BTBD2: variants seen among roughly 807,000 people sequenced by gnomAD.
The protein encoded by BTBD2 is BTB/POZ domain-containing protein 2.
In BTBD2, 15 loss-of-function variants were observed where a neutral mutation model predicts 44.0. The ratio of observed to expected loss-of-function variants is 0.34; its 90% confidence interval spans 0.23 to 0.53. The LOEUF is 0.53. Among genes scored for constraint, BTBD2 ranks in the 20% least tolerant of loss-of-function variants. The pLI, the probability that BTBD2 is intolerant of heterozygous loss-of-function variation, is 0.95. For synonymous variants in BTBD2, 443 were observed against 335.9 expected, an observed-to-expected ratio of 1.32 and a Z score of -3.49; for missense variants, 657 against 746.4, an observed-to-expected ratio of 0.88 and a Z score of 1.39.
intron 4 of BTBD2, 185 bp from the exon 5 acceptor site, chr19:1,990,386 T>G: frequency 3.0e-6 from 2 of 672,166 alleles, no homozygotes; most frequent in Non-Finnish European, 5.0e-6. Flanking sequence ...CGCCCCTTCA[T>G]TTTCCTCGGC....
rs1352763321 is a variant in BTBD2, at chr19:1,999,665, CA to C, written c.408-2203del. Among the ~76,000 whole-genome samples, 458 of 131,796 alleles carry C rather than the reference CA, an allele frequency of 3.5e-3. 2 individuals carry two copies. The highest frequency in any genetic ancestry group is 4.9e-3 in the Non-Finnish European group (301 of 61,588). 86.5% of individuals were successfully genotyped at this position (131,796 alleles called of 152,430 possible). On this transcript the variant is annotated intron_variant, in intron 1 of 8. Coordinates refer to ENST00000255608, the MANE Select transcript of BTBD2 (RefSeq NM_017797.4). ...TGGGCAACAGAGCAAGACTCTGTCT[CA>C]AAAAAAAAAAAAGGCCAGGTGCAGT...
At chr19:2,013,440 T>G in intron 1 of BTBD2, 1 of 909,686 alleles carries the variant, frequency 1.1e-6, no homozygotes, top group Non-Finnish European at 1.3e-6. Flanking sequence ...GTCTCTGGGT[T>G]GGAAGGGCCC....
At chr19:1,986,765 T>TGC (rs1483687167) in intron 8 of BTBD2, 65 bp downstream of exon 8, 1 of 1,570,622 alleles carries the variant, frequency 6.4e-7, no homozygotes, top group African/African-American at 1.3e-5. Flanking sequence ...GTGTGTGCTG[T>TGC]GCCCCGGTGG....
chr19:2,003,586 T>G (rs910518982), intron 1 of BTBD2: 8 of 151,850 alleles, frequency 5.3e-5, no homozygotes, highest in African/African-American at 1.9e-4. Flanking sequence ...CTAACCAACA[T>G]GGAGAAATCC....
chr19:1,986,437 T>C lies in BTBD2; in HGVS notation c.*51A>G. The C allele has an allele frequency of 6.2e-7, 1 of 1,600,680 alleles. No homozygotes were observed. Among genetic ancestry groups the C allele is most frequent in the Non-Finnish European group, 8.5e-7 (1 of 1,170,406 alleles). On this transcript the variant is annotated 3_prime_UTR_variant, in exon 9 of 9. Transcript: ENST00000255608. ...GGGGCCCCAGCAGCAGATGATGGCC[T>C]GGGGCTGCGGCTATCCCCACGGAGG... is the stretch of plus-strand genomic sequence containing the variant.
At chr19:2,010,322 T>C (rs2016448131) in intron 1 of BTBD2, among the ~76,000 whole-genome samples, 1 of 152,176 alleles carries the variant, frequency 6.6e-6, no homozygotes, top group South Asian at 2.1e-4. Flanking sequence ...GCCTACTGTG[T>C]GCCAGGCTCC....
intron 1 of BTBD2, among the ~76,000 whole-genome samples, chr19:2,009,227 C>G (rs2016432902): frequency 6.6e-6 from 1 of 150,844 alleles, no homozygotes; most frequent in Non-Finnish European, 1.5e-5. Context: ...GAGGCGGAGT[C>G]TCAGTCTGTC....
At position 1,985,496 on chromosome 19, in the gene BTBD2, CTGAGGAGGACACCCCTCCCATGGCTT is replaced by C. The variant is rs1210596375; in HGVS notation, c.*966_*991del. ...TAAAAAAATCATCTGGGGGCATGGTCTGAGGAGGACACCCCTCCCATGGCTTTGGGGAGGACGCAGGTTCCAGGAGT... is the reference window on the plus strand; with the variant it reads ...TAAAAAAATCATCTGGGGGCATGGTCTGGGGAGGACGCAGGTTCCAGGAGT... On this transcript the variant is annotated 3_prime_UTR_variant, in exon 9 of 9. Transcript: ENST00000255608. 1.3e-5 allele frequency: 2 copies of C among 152,374 alleles called. No individual in the cohort carries two copies. Among genetic ancestry groups the C allele is most frequent in the African/African-American group, 4.8e-5 (2 of 41,388 alleles). The allele number at this position is 152,374 out of a possible 1,614,324, so 9.4% of individuals were successfully genotyped here.
intron 1 of BTBD2, among the ~76,000 whole-genome samples, chr19:2,014,914 G>A (rs1175763083): frequency 3.3e-5 from 5 of 151,140 alleles, no homozygotes; most frequent in Non-Finnish European, 3.0e-5. Flanking sequence ...GGCCCAGAGT[G>A]CAGGCCTGGT....
chr19:2,010,629 C>G (rs985027161), intron 1 of BTBD2, among the ~76,000 whole-genome samples: 2 of 151,778 alleles, frequency 1.3e-5, no homozygotes, highest in South Asian at 2.1e-4. Flanking sequence ...CAGTTCGTCC[C>G]GACATCCCCC....
At chr19:2,011,962 C>A (rs559186108) in intron 1 of BTBD2, among the ~76,000 whole-genome samples, 1 of 151,984 alleles carries the variant, frequency 6.6e-6, no homozygotes, top group Non-Finnish European at 1.5e-5. Context: ...TCAAGTGATT[C>A]TCCTGCCTCA....
At position 1,986,116 on chromosome 19, in the gene BTBD2, C is replaced by A. The variant is rs185988164; in HGVS notation, c.*372G>T. ...AGAAATGGGAATCGCAAATGCATTG[C>A]AATGTGCAGTGAAGAGACGCGAGGG... On this transcript the variant is annotated 3_prime_UTR_variant, in exon 9 of 9. Transcript: ENST00000255608. 4 of 243,910 alleles carry A rather than the reference C, an allele frequency of 1.6e-5. No individual in the cohort carries two copies. The East Asian group carries it at 3.8e-4, about 23-fold the overall frequency. 15.1% of individuals were successfully genotyped at this position (243,910 alleles called of 1,614,324 possible).
chr19:1,992,984 C>T (rs1221993117), intron 3 of BTBD2, 36 bp downstream of exon 3: 2 of 1,465,312 alleles, frequency 1.4e-6, no homozygotes, highest in African/African-American at 2.9e-5. Flanking sequence ...CCAGCCAGGC[C>T]TGGCCCCGCC....
At position 1,986,345 on chromosome 19, in the gene BTBD2, G is replaced by A; in HGVS notation, c.*143C>T. 6 of 1,064,864 alleles carry A rather than the reference G, an allele frequency of 5.6e-6. No homozygotes were observed. The highest frequency in any genetic ancestry group is 6.9e-6 in the Non-Finnish European group (5 of 724,066). 66.0% of individuals were successfully genotyped at this position (1,064,864 alleles called of 1,614,324 possible). A position where few individuals can be genotyped will look rare whatever the true frequency, so the allele number is the denominator to read the frequency against. On this transcript the variant is annotated 3_prime_UTR_variant, in exon 9 of 9. Transcript: ENST00000255608. The stretch of plus-strand genomic sequence containing the variant: ...GAACACAGGGCAACCCCGTCCTGAT[G>A]CTGAGAAAGGTGGCATGGAGTGGAC...
At chr19:1,994,201 A>G (rs2016220715) in intron 2 of BTBD2, among the ~76,000 whole-genome samples, 2 of 151,594 alleles carry the variant, frequency 1.3e-5, no homozygotes. Flanking sequence ...CTGTAATCCC[A>G]GCTACCTGGG....
chr19:1,988,702 C>G (rs1047731552), intron 5 of BTBD2: 1 of 152,154 alleles, frequency 6.6e-6, no homozygotes, highest in Non-Finnish European at 1.5e-5. Context: ...CTCCAGGGTT[C>G]AAGCAATTCT....
intron 1 of BTBD2, among the ~76,000 whole-genome samples, chr19:1,999,737 A>G (rs922869629): frequency 4.0e-5 from 6 of 151,740 alleles, no homozygotes; most frequent in Admixed American, 2.6e-4. Flanking sequence ...AAGGCAGGCA[A>G]ATCACCTGGG....
intron 1 of BTBD2, among the ~76,000 whole-genome samples, chr19:2,009,755 CAGG>C (rs1192916320): frequency 6.6e-6 from 1 of 152,134 alleles, no homozygotes; most frequent in African/African-American, 2.4e-5. Flanking sequence ...AAGGCTGAGA[CAGG>C]AGAATTGCTT....
intron 1 of BTBD2, among the ~76,000 whole-genome samples, chr19:2,007,901 T>C (rs1486212692): frequency 1.3e-5 from 2 of 152,180 alleles, no homozygotes; most frequent in Non-Finnish European, 2.9e-5. Flanking sequence ...ATGCACCTCC[T>C]GTAGCCAGGA....
Sources: allele counts gnomAD v4.1 joint callset (sites outside exome capture counted in the v4.1 genomes callset), GRCh38; gene constraint gnomAD v4.1.1; transcripts MANE v1.5; gene names NCBI Gene and HGNC (gene_info 2026-07-23, HGNC 2026-07-21).